GABRG3: variants seen among roughly 807,000 people sequenced by gnomAD.
GABRG3 encodes the protein gamma-aminobutyric acid type A receptor subunit gamma3.
A neutral mutation model predicts 48.8 loss-of-function variants in GABRG3; 25 were observed. The observed-to-expected ratio is 0.51, with a 90% CI of 0.37 to 0.72. The LOEUF is 0.72. GABRG3 is among the 30% of genes least tolerant of loss of function. The pLI is 0.00. For missense variants in GABRG3, 394 were observed against 577.9 expected (o/e 0.68, Z 3.26); for synonymous variants, 227 against 217.6 (o/e 1.04, Z -0.38).
intron 5 of GABRG3, among the ~76,000 whole-genome samples, chr15:27,449,044 C>T (rs1889029750): frequency 6.6e-6 from 1 of 152,124 alleles, no homozygotes; most frequent in Non-Finnish European, 1.5e-5. Flanking sequence ...AGAGTGGGTG[C>T]CCTGTCCAAA....
intron 3 of GABRG3, among the ~76,000 whole-genome samples, chr15:27,125,497 A>G (rs1211088197): frequency 1.3e-5 from 2 of 152,260 alleles, no homozygotes; most frequent in Non-Finnish European, 2.9e-5. Context: ...TGTTCACAAC[A>G]CAACTGATAA....
intron 3 of GABRG3, among the ~76,000 whole-genome samples, chr15:27,031,672 CAT>C: frequency 6.6e-6 from 1 of 152,276 alleles, no homozygotes; most frequent in East Asian, 1.9e-4. Context: ...ATAAAGAACA[CAT>C]GAGGCCTCTC....
chr15:27,111,773 T>C (rs982678984), intron 3 of GABRG3, among the ~76,000 whole-genome samples: 1 of 152,160 alleles, frequency 6.6e-6, no homozygotes, highest in African/African-American at 2.4e-5. Context: ...ATCTGTCTTG[T>C]AGCAGGTCTG....
At chr15:27,391,384 A>G (rs377072329) in intron 5 of GABRG3, among the ~76,000 whole-genome samples, 4 of 152,298 alleles carry the variant, frequency 2.6e-5, no homozygotes, top group Admixed American at 2.0e-4. Flanking sequence ...TTATGATTTC[A>G]TATATTTAGA....
At chr15:27,168,405 G>A (rs1237757920) in intron 3 of GABRG3, among the ~76,000 whole-genome samples, 2 of 152,178 alleles carry the variant, frequency 1.3e-5, no homozygotes, top group Non-Finnish European at 2.9e-5. Context: ...GTTCCCCTGT[G>A]AAGGGCACAA....
intron 3 of GABRG3, among the ~76,000 whole-genome samples, chr15:27,308,393 A>G (rs1433463207): frequency 7.1e-6 from 1 of 140,844 alleles, no homozygotes; most frequent in Non-Finnish European, 1.5e-5. Flanking sequence ...ATATATAAAC[A>G]TATAATATAA....
chr15:26,999,946 G>C (rs1289826851), intron 2 of GABRG3, among the ~76,000 whole-genome samples: 2 of 151,880 alleles, frequency 1.3e-5, no homozygotes, highest in African/African-American at 4.8e-5. Context: ...TTTATCTCTA[G>C]AAGTTTGATT....
intron 5 of GABRG3, among the ~76,000 whole-genome samples, chr15:27,344,983 T>C (rs1036429307): frequency 2.0e-5 from 3 of 152,214 alleles, no homozygotes; most frequent in African/African-American, 7.2e-5. Context: ...CTTGTTCTGA[T>C]GTCCACTTCG....
At chr15:27,388,168 A>G (rs1267108238) in intron 5 of GABRG3, among the ~76,000 whole-genome samples, 10 of 90,998 alleles carry the variant, frequency 1.1e-4, no homozygotes, top group Non-Finnish European at 1.6e-4. Context: ...GAAAGGAAGG[A>G]AGGAAGGAAA....
At position 27,177,112 on chromosome 15, in the gene GABRG3, G is replaced by A. The variant is rs186581795; in HGVS notation, c.271-149697G>A. Among the ~76,000 whole-genome samples, 805 of 152,220 alleles carry A rather than the reference G, an allele frequency of 5.3e-3. 3 individuals are homozygous for A. Among genetic ancestry groups the A allele is most frequent in the Middle Eastern group, 0.014 (4 of 294 alleles). ...TTGATGTGCAGGGGGCTAGAGAATA[G>A]GTACTGCTGATTTGGTGGGGATGAA... On this transcript the variant is annotated intron_variant, in intron 3 of 9. Coordinates refer to ENST00000615808, the MANE Select transcript of GABRG3 (RefSeq NM_033223.5).
chr15:27,229,736 C>T (rs903161017), intron 3 of GABRG3, among the ~76,000 whole-genome samples: 1 of 152,128 alleles, frequency 6.6e-6, no homozygotes, highest in African/African-American at 2.4e-5. Context: ...CTCGGACCCC[C>T]AAAGTGCTGG....
chr15:27,421,653 C>T (rs993848708), intron 5 of GABRG3, among the ~76,000 whole-genome samples: 1 of 151,582 alleles, frequency 6.6e-6, no homozygotes, highest in Admixed American at 6.6e-5. Flanking sequence ...TCCACCAATA[C>T]TGAGTGTTCT....
chr15:27,491,135 C>T (rs1890343791), intron 6 of GABRG3, among the ~76,000 whole-genome samples: 2 of 152,216 alleles, frequency 1.3e-5, no homozygotes, highest in Admixed American at 1.3e-4. Context: ...CCTTGCTGTG[C>T]TACTGAGATG....
At chr15:27,428,819 C>A (rs139976613) in intron 5 of GABRG3, among the ~76,000 whole-genome samples, 1 of 152,240 alleles carries the variant, frequency 6.6e-6, no homozygotes, top group African/African-American at 2.4e-5. Flanking sequence ...AAACAAGAAT[C>A]TGGAGCTGAG....
chr15:27,516,947 C>T (rs1367962161), intron 6 of GABRG3, among the ~76,000 whole-genome samples: 1 of 152,222 alleles, frequency 6.6e-6, no homozygotes, highest in Non-Finnish European at 1.5e-5. Flanking sequence ...TGAATATGAG[C>T]TGAGGAAGAA....
intron 5 of GABRG3, among the ~76,000 whole-genome samples, chr15:27,435,020 G>A (rs936993068): frequency 6.6e-6 from 1 of 151,876 alleles, no homozygotes. Flanking sequence ...CTCTCTCTGT[G>A]CCAGGCCTTT....
intron 3 of GABRG3, among the ~76,000 whole-genome samples, chr15:27,113,744 A>G (rs1446252205): frequency 6.6e-6 from 1 of 152,042 alleles, no homozygotes; most frequent in Non-Finnish European, 1.5e-5. Context: ...CTGACCTAGA[A>G]CATAGTCTCC....
intron 3 of GABRG3, among the ~76,000 whole-genome samples, chr15:27,209,347 T>TTTCTTTCC (rs796646267): frequency 2.0e-3 from 297 of 151,414 alleles, no homozygotes; most frequent in African/African-American, 6.8e-3. Flanking sequence ...TCTTTCTTTC[T>TTTCTTTCC]TTCCTTCCTT....
intron 9 of GABRG3, among the ~76,000 whole-genome samples, chr15:27,531,275 G>A (rs541377884): frequency 6.6e-5 from 10 of 152,264 alleles, no homozygotes; most frequent in African/African-American, 7.2e-5. Context: ...TTACAAGAAC[G>A]CACCAAAGGC....
Sources: allele counts gnomAD v4.1 joint callset (sites outside exome capture counted in the v4.1 genomes callset), GRCh38; gene constraint gnomAD v4.1.1; transcripts MANE v1.5; gene names NCBI Gene and HGNC (gene_info 2026-07-23, HGNC 2026-07-21).